CACNA1C: variants seen among roughly 807,000 people sequenced by gnomAD.
The protein encoded by CACNA1C is calcium voltage-gated channel subunit alpha1 C, also known as voltage-dependent L-type calcium channel subunit alpha-1C.
Under a neutral mutation model 229.0 loss-of-function variants are expected in CACNA1C, and 30 were observed. That is an observed-to-expected ratio of 0.13 (90% CI 0.10 to 0.18). The LOEUF (loss-of-function observed/expected upper bound fraction) is 0.18. Ranked by LOEUF, CACNA1C falls within the 10% of genes least tolerant of loss-of-function variation. CACNA1C has a pLI of 1.00. For synonymous variants in CACNA1C, 1,114 were observed against 1,132.5 expected (o/e 0.98, Z 0.33); for missense variants, 1,658 against 2,845.0 (o/e 0.58, Z 9.49).
intron 3 of CACNA1C, among the ~76,000 whole-genome samples, chr12:2,141,197 G>A (rs1197718531): frequency 6.6e-6 from 1 of 151,232 alleles, no homozygotes; most frequent in Non-Finnish European, 1.5e-5. Flanking sequence ...TGAATTATGT[G>A]GGTCAGCATG....
intron 1 of CACNA1C, among the ~76,000 whole-genome samples, chr12:2,016,094 T>C (rs959636607): frequency 1.6e-4 from 24 of 152,216 alleles, no homozygotes; most frequent in Non-Finnish European, 3.4e-4. Flanking sequence ...GGGTGCTCCA[T>C]CTTTAAAATA....
chr12:2,578,540 G>A (rs928644904), intron 13 of CACNA1C, among the ~76,000 whole-genome samples: 6 of 152,156 alleles, frequency 3.9e-5, no homozygotes, highest in African/African-American at 1.4e-4. Context: ...GCTGCCCGGA[G>A]CGGGGGTCCA....
chr12:2,504,347 C>T lies in CACNA1C; in HGVS notation c.1114-495C>T, dbSNP rs2099766984. 2.0e-5 allele frequency: 15 copies of T among 751,572 alleles called. No individual in the cohort carries two copies. In the South Asian group the frequency reaches 2.1e-4, roughly 11 times the overall value. 46.6% of individuals were successfully genotyped at this position (751,572 alleles called of 1,614,324 possible). A position where few individuals can be genotyped will look rare whatever the true frequency, so the allele number is the denominator to read the frequency against. On this transcript the variant is annotated intron_variant, in intron 7 of 46. Transcript: ENST00000399655. The surrounding 1 kb of genome is among the most constrained non-coding windows in gnomAD (Gnocchi z 6.8). ...AAAGCCCACGTTCAGCCCCGTCTGT[C>T]CCCTCCCAATCTGCTCACACCTGCT...
At chr12:2,093,673 A>G (rs976029189) in intron 1 of CACNA1C, among the ~76,000 whole-genome samples, 2 of 152,098 alleles carry the variant, frequency 1.3e-5, no homozygotes, top group African/African-American at 4.8e-5. Flanking sequence ...ACTTTACACA[A>G]CTGTATGATC....
At chr12:2,173,715 GC>G (rs1380741477) in intron 3 of CACNA1C, among the ~76,000 whole-genome samples, 1 of 152,022 alleles carries the variant, frequency 6.6e-6, no homozygotes, top group Non-Finnish European at 1.5e-5. Context: ...CACCACAACT[GC>G]CCCACTGCCA....
At chr12:2,391,479 G>T (rs553734077) in intron 3 of CACNA1C, among the ~76,000 whole-genome samples, 1 of 152,338 alleles carries the variant, frequency 6.6e-6, no homozygotes, top group South Asian at 2.1e-4. Context: ...AGTCAGCAGG[G>T]TGGGAGGGAA....
intron 2 of CACNA1C, among the ~76,000 whole-genome samples, chr12:2,117,771 C>T (rs548778227): frequency 2.0e-5 from 3 of 152,372 alleles, no homozygotes; most frequent in African/African-American, 7.2e-5. Flanking sequence ...CTAACACCTA[C>T]TCCCTGGGTG....
chr12:2,392,580 C>T (rs559130020), intron 3 of CACNA1C, among the ~76,000 whole-genome samples: 1 of 152,276 alleles, frequency 6.6e-6, no homozygotes, highest in African/African-American at 2.4e-5. Context: ...TTCATTCCTC[C>T]CTGAGCTATT....
intron 9 of CACNA1C, among the ~76,000 whole-genome samples, chr12:2,529,426 T>C (rs915756874): frequency 3.3e-5 from 5 of 152,336 alleles, no homozygotes; most frequent in South Asian, 2.1e-4. Flanking sequence ...ACATCTTGAA[T>C]GTGGGGACTT....
At chr12:2,137,883 C>T (rs79198759) in intron 3 of CACNA1C, among the ~76,000 whole-genome samples, 4,897 of 151,388 alleles carry the variant, frequency 0.032, 239 homozygotes, top group African/African-American at 0.089. Flanking sequence ...GGTCCGGGAG[C>T]GCCAGGCCAG....
At chr12:2,445,684 C>A (rs375937672) in intron 3 of CACNA1C, among the ~76,000 whole-genome samples, 32 of 152,206 alleles carry the variant, frequency 2.1e-4, no homozygotes, top group African/African-American at 4.1e-4. Context: ...CCACACCCCG[C>A]GACCCATGGC....
intron 3 of CACNA1C, among the ~76,000 whole-genome samples, chr12:2,421,047 A>G (rs1039412771): frequency 1.3e-5 from 2 of 152,246 alleles, no homozygotes; most frequent in East Asian, 3.8e-4. Context: ...AACTAAGTTG[A>G]AGTCTCCATC....
At chr12:2,397,496 G>A (rs1567447011) in intron 3 of CACNA1C, among the ~76,000 whole-genome samples, 1 of 152,244 alleles carries the variant, frequency 6.6e-6, no homozygotes, top group Non-Finnish European at 1.5e-5. Context: ...GTGCCGCGGA[G>A]GCGGCACCTA....
Position 2,467,708 on chromosome 12 carries a change from T to A in CACNA1C, c.757+10002T>A, listed in dbSNP as rs2099567839. Among the ~76,000 whole-genome samples the A allele has an allele frequency of 6.6e-6, 1 of 150,600 alleles. No individual in the cohort carries two copies. Among genetic ancestry groups the A allele is most frequent in the Non-Finnish European group, 1.5e-5 (1 of 67,622 alleles). On this transcript the variant is annotated intron_variant, in intron 5 of 46. Transcript: ENST00000399655. The surrounding 1 kb of genome is among the most constrained non-coding windows in gnomAD (Gnocchi z 4.6). ...CCCTTAGCACCTGCCAGGCCCACCC[T>A]CTCCCCCGGTGTCTCCTGATCTCCC...
rs1448737241 is a variant in CACNA1C at position 2,575,673 on chromosome 12, G to A, written c.1896-5917G>A. Reference sequence around the variant, plus strand: ...TAGCCTTCAGGATGAGAACATTTTGGGCAGGTATCAAACTCAGTTATGACC... The same window carrying A: ...TAGCCTTCAGGATGAGAACATTTTGAGCAGGTATCAAACTCAGTTATGACC... On this transcript the variant is annotated intron_variant, in intron 13 of 46. Coordinates refer to ENST00000399655, the MANE Select transcript of CACNA1C (RefSeq NM_000719.7). The surrounding 1 kb of genome is among the most constrained non-coding windows in gnomAD (Gnocchi z 4.0). 1.3e-5 allele frequency among the ~76,000 whole-genome samples: 2 copies of A among 152,098 alleles called. No individual in the cohort carries two copies. The highest frequency in any genetic ancestry group is 4.2e-4 in the South Asian group (2 of 4,812).
At chr12:2,682,491 G>A in intron 42 of CACNA1C, 59 bp from the exon 43 acceptor site, 3 of 1,587,476 alleles carry the variant, frequency 1.9e-6, no homozygotes, top group South Asian at 2.3e-5. Context: ...TTTACTTGCT[G>A]AAGGAAGTGG....
At chr12:2,453,708 C>T (rs1251719516) in intron 4 of CACNA1C, among the ~76,000 whole-genome samples, 1 of 152,152 alleles carries the variant, frequency 6.6e-6, no homozygotes, top group East Asian at 1.9e-4. Flanking sequence ...CCTCCCATCC[C>T]CATAGTCCCT....
At chr12:2,551,798 A>C (rs745508825) in intron 10 of CACNA1C, among the ~76,000 whole-genome samples, 4 of 152,194 alleles carry the variant, frequency 2.6e-5, no homozygotes, top group Non-Finnish European at 4.4e-5. Context: ...CAGCAGGGGC[A>C]GGCGGGTGCA....
At chr12:2,156,443 A>C (rs2095559043) in intron 3 of CACNA1C, among the ~76,000 whole-genome samples, 1 of 152,248 alleles carries the variant, frequency 6.6e-6, no homozygotes, top group Non-Finnish European at 1.5e-5. Context: ...CCACAAAGAC[A>C]AAATGAATCC....
Sources: allele counts gnomAD v4.1 joint callset (sites outside exome capture counted in the v4.1 genomes callset), GRCh38; gene constraint gnomAD v4.1.1; non-coding constraint Gnocchi (gnomAD v3.1); transcripts MANE v1.5; gene names NCBI Gene and HGNC (gene_info 2026-07-23, HGNC 2026-07-21).